SRSF11: variants seen among roughly 807,000 people sequenced by gnomAD.
SRSF11 encodes serine/arginine-rich splicing factor 11.
A neutral mutation model predicts 56.0 loss-of-function variants in SRSF11; 9 were observed. The ratio of observed to expected loss-of-function variants is 0.16; its 90% CI spans 0.10 to 0.28. The LOEUF is 0.28. Among genes scored for constraint, SRSF11 ranks in the 10% least tolerant of loss-of-function variants. The pLI, the probability that SRSF11 is intolerant of heterozygous loss-of-function variation, is 1.00. For missense variants in SRSF11, 421 were observed against 600.7 expected (o/e 0.70, Z 3.13); for synonymous variants, 222 against 215.3 (o/e 1.03, Z -0.27).
intron 6 of SRSF11, among the ~76,000 whole-genome samples, chr1:70,238,098 A>G (rs1674517395): frequency 6.6e-6 from 1 of 152,174 alleles, no homozygotes; most frequent in Non-Finnish European, 1.5e-5. Flanking sequence ...TATCTTGTTC[A>G]TTAATAAATG....
rs1179524144 is a variant in SRSF11, at chr1:70,232,333, C to T, written c.403C>T (p.Leu135=). The part of the protein sequence containing the change: ...LAPANAVAGL[L]PGGGLLPTPN... The stretch of plus-strand genomic sequence containing the variant: ...ACCAGCTAATGCAGTGGCAGGTCTT[C>T]TGCCTGGTGGTGGACTCCTGCCTAC... The change falls in exon 3 of 12, where the codon CTG becomes TTG. Residue 135 remains leucine, a synonymous_variant. Coordinates refer to ENST00000370949, the MANE Select transcript of SRSF11 (RefSeq NM_001350605.2). 6.2e-7 allele frequency: 1 copy of T among 1,614,176 alleles called. No individual in the cohort carries two copies. The highest frequency in any genetic ancestry group is 8.5e-7 in the Non-Finnish European group (1 of 1,180,026).
chr1:70,238,003 G>A (rs1450411150), intron 6 of SRSF11, among the ~76,000 whole-genome samples: 1 of 152,032 alleles, frequency 6.6e-6, no homozygotes, highest in Non-Finnish European at 1.5e-5. Context: ...TTTGCAGATT[G>A]TCTTTTTGAG....
At chr1:70,246,973 C>A in intron 9 of SRSF11, 66 bp downstream of exon 9, 1 of 1,335,508 alleles carries the variant, frequency 7.5e-7, no homozygotes, top group Non-Finnish European at 1.0e-6. Context: ...TATCAGTACG[C>A]TGTCAGTATG....
chr1:70,212,467 G>A (rs1293568831), intron 1 of SRSF11, among the ~76,000 whole-genome samples: 1 of 152,116 alleles, frequency 6.6e-6, no homozygotes, highest in Non-Finnish European at 1.5e-5. Flanking sequence ...ACTTTGGCCA[G>A]GCTGATCTTG....
At chr1:70,235,037 A>T (rs1168853511) in intron 4 of SRSF11, among the ~76,000 whole-genome samples, 2 of 152,206 alleles carry the variant, frequency 1.3e-5, no homozygotes, top group African/African-American at 4.8e-5. Context: ...TGTGTCATAG[A>T]GTCAGAGTAA....
chr1:70,221,431 C>G lies in SRSF11; in HGVS notation c.-206C>G, dbSNP rs1372646272. 18 of 628,276 alleles carry G rather than the reference C, an allele frequency of 2.9e-5. No individual in the cohort carries two copies. Among genetic ancestry groups the G allele is most frequent in the South Asian group, 6.7e-5 (3 of 45,020 alleles). 38.9% of individuals were successfully genotyped at this position (628,276 alleles called of 1,614,324 possible). On this transcript the variant is annotated 5_prime_UTR_variant, in exon 1 of 12. Coordinates refer to ENST00000370949, the MANE Select transcript of SRSF11 (RefSeq NM_001350605.2). ...GCGGCCGTTTGTTTTCTCGTGGTCT[C>G]GAGCTCGCGCGCTCTCATCCCCTCC...
chr1:70,227,760 G>A (rs905728168), intron 1 of SRSF11, among the ~76,000 whole-genome samples: 42 of 152,122 alleles, frequency 2.8e-4, no homozygotes, highest in African/African-American at 1.0e-3. Context: ...TTTGTTGAGG[G>A]AACTAGCCCT....
chr1:70,236,792 A>ATTTTTTT (rs35602423), intron 5 of SRSF11, among the ~76,000 whole-genome samples: 16 of 83,776 alleles, frequency 1.9e-4, no homozygotes, highest in African/African-American at 2.6e-4. Flanking sequence ...TATGTCATAA[A>ATTTTTTT]TTTTTTTTTT....
Position 70,221,743 on chromosome 1 carries a change from A to G in SRSF11, c.107A>G (p.Gln36Arg), listed in dbSNP as rs1016391947. 1 of 1,614,110 alleles carries G rather than the reference A, an allele frequency of 6.2e-7. No homozygotes were observed. Among genetic ancestry groups the G allele is most frequent in the African/African-American group, 1.3e-5 (1 of 75,064 alleles). The change falls in exon 1 of 12, where the codon CAG becomes CGG. Residue 36 changes from glutamine to arginine, a missense_variant. By Grantham distance (43) the Gln-to-Arg change is conservative. This residue lies in a region of SRSF11 where 168 missense variants were observed against 294.9 expected (regional missense o/e 0.57). Transcript: ENST00000370949. Reference sequence around the variant, plus strand: ...GGAGGCGGCGGCACCGAGGTAATCCAGGTGACTAATGTCTCCCCGAGCGCT... The same window carrying G: ...GGAGGCGGCGGCACCGAGGTAATCCGGGTGACTAATGTCTCCCCGAGCGCT... ...GGGGGGTEVI[Q>R]VTNVSPSASS...
upstream of SRSF11, chr1:70,221,269 C>T (rs1670530965): frequency 1.1e-5 from 3 of 264,848 alleles, no homozygotes; most frequent in Admixed American, 5.4e-5. Flanking sequence ...TCTCTAGACC[C>T]CGGTGCCTCT....
intron 5 of SRSF11, among the ~76,000 whole-genome samples, chr1:70,237,111 A>G (rs1674288759): frequency 6.6e-6 from 1 of 152,106 alleles, no homozygotes; most frequent in African/African-American, 2.4e-5. Context: ...TATATGAATA[A>G]AAGTTCTTAG....
rs760774062 is a variant in SRSF11 at position 70,250,430 on chromosome 1, C to T, written c.1184C>T (p.Thr395Ile). The change falls in exon 11 of 12, where the codon ACA becomes ATA. Residue 395 changes from threonine to isoleucine, a missense_variant. This residue lies in a region of SRSF11 where 253 missense variants were observed against 305.8 expected (regional missense o/e 0.83). Coordinates refer to ENST00000370949, the MANE Select transcript of SRSF11 (RefSeq NM_001350605.2). ...ERSRDERERS[T>I]SKKKKSKDKE... ...AGTAGGGATGAAAGAGAACGATCAA[C>T]AAGCAAGAAGAAGAAGAGTAAAGAT... 4 of 1,593,220 alleles carry T rather than the reference C, an allele frequency of 2.5e-6. No individual in the cohort carries two copies. The highest frequency in any genetic ancestry group is 3.4e-6 in the Non-Finnish European group (4 of 1,161,408).
intron 5 of SRSF11, among the ~76,000 whole-genome samples, chr1:70,236,863 G>A (rs773704092): frequency 7.0e-5 from 10 of 142,726 alleles, no homozygotes; most frequent in Middle Eastern, 3.9e-3. Context: ...GAGTGCAGTG[G>A]CGCGATGTCT....
At chr1:70,240,772 T>TC (rs1431931970) in intron 7 of SRSF11, among the ~76,000 whole-genome samples, 13 of 120,910 alleles carry the variant, frequency 1.1e-4, no homozygotes, top group Admixed American at 5.4e-4. Context: ...TCACTGGACT[T>TC]TTTTTTTTTT....
intron 1 of SRSF11, among the ~76,000 whole-genome samples, chr1:70,206,672 G>T (rs1669058021): frequency 6.6e-6 from 1 of 151,936 alleles, no homozygotes; most frequent in Admixed American, 6.6e-5. Flanking sequence ...AGTCTACTGA[G>T]GATTGGTAGA....
chr1:70,228,573 C>CT lies in SRSF11; in HGVS notation c.337+19dup. 1 of 1,609,450 alleles carries CT rather than the reference C, an allele frequency of 6.2e-7. No homozygotes were observed. Among genetic ancestry groups the CT allele is most frequent in the Non-Finnish European group, 8.5e-7 (1 of 1,177,664 alleles). On this transcript the variant is annotated intron_variant, in intron 2 of 11. Transcript: ENST00000370949. ...TGCAGAAGGTTTGTGCTTTGTTTAA[C>CT]TACCTATGTGGGCATCCTAAGATGA...
At chr1:70,214,922 A>T (rs1489256338) in intron 1 of SRSF11, among the ~76,000 whole-genome samples, 2 of 140,678 alleles carry the variant, frequency 1.4e-5, no homozygotes, top group African/African-American at 5.3e-5. Flanking sequence ...TTTTTGAGAC[A>T]GAGTCTTGCC....
chr1:70,230,832 A>G, intron 2 of SRSF11: 1 of 1,168,604 alleles, frequency 8.6e-7, no homozygotes, highest in Non-Finnish European at 1.1e-6. Context: ...TCCTCTTGAG[A>G]CATAATTTTG....
chr1:70,238,044 C>CAT (rs1674505582), intron 6 of SRSF11, among the ~76,000 whole-genome samples: 1 of 151,892 alleles, frequency 6.6e-6, no homozygotes, highest in South Asian at 2.1e-4. Flanking sequence ...ATTATCTGCC[C>CAT]ATATATATTT....
Sources: allele counts gnomAD v4.1 joint callset (sites outside exome capture counted in the v4.1 genomes callset), GRCh38; gene constraint gnomAD v4.1.1; regional missense constraint gnomAD v4.1.1; transcripts MANE v1.5; gene names NCBI Gene and HGNC (gene_info 2026-07-23, HGNC 2026-07-21).